Variants in RTL1 observed in about 807,000 individuals in gnomAD.
The protein encoded by RTL1 is retrotransposon-like protein 1.
For synonymous variants in RTL1, 727 were observed against 748.4 expected (o/e 0.97, Z 0.47); for missense variants, 1,681 against 1,767.5 (o/e 0.95, Z 0.88).
rs2038641823 is a variant in RTL1 at position 100,883,074 on chromosome 14, T to C, written c.1715A>G (p.Asp572Gly). Residue 572 changes from aspartate to glycine, a missense_variant, in exon 4 of 4, where the codon GAT becomes GGT. Asp to Gly is a moderately conservative substitution (Grantham distance 94, BLOSUM62 -1). Coordinates refer to ENST00000649591, the MANE Select transcript of RTL1 (RefSeq NM_001134888.3). This position sits in a 1 kb window ranked among gnomAD's most constrained non-coding sequence, Gnocchi z 5.9. ...GCTTGGCTGGTCGGAAGTCTCATCA[T>C]CTGCTTCCTTCGGGTTAAACACGTC... The part of the protein sequence containing the change: ...LADVFNPKEA[D>G]DETSDQPSSD... The C allele has an allele frequency of 6.2e-7, 1 of 1,614,092 alleles. No homozygotes were observed. Among genetic ancestry groups the C allele is most frequent in the Non-Finnish European group, 8.5e-7 (1 of 1,180,016 alleles).
In RTL1 at chr14:100,883,523, G is replaced by T; in HGVS notation, c.1266C>A (p.Ser422Arg). 1 of 1,551,500 alleles carries T rather than the reference G, an allele frequency of 6.4e-7. No homozygotes were observed. The highest frequency in any genetic ancestry group is 8.7e-7 in the Non-Finnish European group (1 of 1,146,990). The change falls in exon 4 of 4, where the codon AGC becomes AGA. Residue 422 changes from serine to arginine, a missense_variant. Transcript: ENST00000649591. This position sits in a 1 kb window ranked among gnomAD's most constrained non-coding sequence, Gnocchi z 5.9. ...LLMVRVNPYH[S>R]VAVQALVDSG... ...AATCCACCAGGGCCTGGACCGCGAC[G>T]CTGTGGTAGGGGTTCACTCTCACCA...
intron 3 of RTL1, among the ~76,000 whole-genome samples, chr14:100,885,381 C>T (rs1025145341): frequency 1.3e-5 from 2 of 152,210 alleles, no homozygotes; most frequent in Non-Finnish European, 2.9e-5. Flanking sequence ...AGCAAAGATG[C>T]CTACTGTTTC....
chr14:100,901,097 C>T (rs2038935804), intron 2 of RTL1, among the ~76,000 whole-genome samples: 1 of 152,210 alleles, frequency 6.6e-6, no homozygotes, highest in Admixed American at 6.5e-5. Context: ...GCTGTGGCGA[C>T]CCCAGGGCTG....
chr14:100,898,569 T>A (rs1277726233), intron 2 of RTL1, among the ~76,000 whole-genome samples: 1 of 152,240 alleles, frequency 6.6e-6, no homozygotes, highest in Non-Finnish European at 1.5e-5. Flanking sequence ...GGCCTTATCC[T>A]GGCATGGAAG....
intron 3 of RTL1, 112 bp from the exon 4 acceptor site, chr14:100,884,986 G>C (rs928090031): frequency 7.8e-6 from 4 of 510,650 alleles, no homozygotes; most frequent in African/African-American, 7.7e-5. Context: ...AGAGCAGAGA[G>C]AAATGGGGGA....
chr14:100,897,689 C>T (rs1022860472), intron 2 of RTL1: 5 of 234,048 alleles, frequency 2.1e-5, no homozygotes, highest in African/African-American at 9.7e-5. Context: ...GCTGTACACA[C>T]CAGAGTTTAT....
chr14:100,895,089 G>C (rs535821485), intron 2 of RTL1: 1 of 152,374 alleles, frequency 6.6e-6, no homozygotes, highest in South Asian at 2.1e-4. Context: ...TGGGAGACAG[G>C]GTCTGAGAGG....
chr14:100,892,177 C>T (rs1330799620), intron 3 of RTL1, among the ~76,000 whole-genome samples: 1 of 152,182 alleles, frequency 6.6e-6, no homozygotes, highest in Non-Finnish European at 1.5e-5. Context: ...CTCTGGTGGG[C>T]TCTCTACTCT....
At position 100,881,440 on chromosome 14, in the gene RTL1, G is replaced by A. The variant is rs1213889503; in HGVS notation, c.3349C>T (p.Arg1117Trp). Reference protein sequence around the residue: ...LRPAPAMRVARPQPQRSLRLI... With the variant: ...LRPAPAMRVAWPQPQRSLRLI... ...CGTAGGGAGCGCTGGGGCTGGGGCC[G>A]AGCCACCCGCATGGCGGGTGCCGGC... The change falls in exon 4 of 4, where the codon CGG becomes TGG. Residue 1117 changes from arginine to tryptophan, a missense_variant. By Grantham distance (101) the Arg-to-Trp change is moderately radical (BLOSUM62 -3). Coordinates refer to ENST00000649591, the MANE Select transcript of RTL1 (RefSeq NM_001134888.3). This position sits in a 1 kb window ranked among gnomAD's most constrained non-coding sequence, Gnocchi z 6.6. The A allele has an allele frequency of 1.9e-6, 3 of 1,550,752 alleles. No homozygotes were observed. The highest frequency in any genetic ancestry group is 2.4e-5 in the South Asian group (2 of 84,054).
At chr14:100,896,715 G>A (rs750413119) in intron 2 of RTL1, among the ~76,000 whole-genome samples, 8 of 152,264 alleles carry the variant, frequency 5.3e-5, no homozygotes, top group Non-Finnish European at 7.3e-5. Flanking sequence ...TGCCAGTGCC[G>A]TTTAGCCACA....
chr14:100,901,938 G>T (rs1220727148), intron 2 of RTL1, among the ~76,000 whole-genome samples: 1 of 152,190 alleles, frequency 6.6e-6, no homozygotes, highest in African/African-American at 2.4e-5. Flanking sequence ...ACTGACCCCT[G>T]CCTGGTCCCC....
In RTL1 at chr14:100,881,500, C is replaced by T. The variant is rs2038613090; in HGVS notation, c.3289G>A (p.Val1097Met). The change falls in exon 4 of 4, where the codon GTG becomes ATG. Residue 1097 changes from valine to methionine, a missense_variant. Transcript: ENST00000649591. The surrounding 1 kb of genome is among the most constrained non-coding windows in gnomAD (Gnocchi z 6.6). ...KNTLALAAIL[V>M]LLRVRQCLSL... is the part of the protein sequence containing the mutation. Reference sequence around the variant, plus strand: ...AGGCATTGCCTCACGCGCAGTAGCACGAGGATGGCTGCCAGGGCTAGGGTG... The same window carrying T: ...AGGCATTGCCTCACGCGCAGTAGCATGAGGATGGCTGCCAGGGCTAGGGTG... 5.2e-6 allele frequency: 8 copies of T among 1,551,540 alleles called. No individual in the cohort carries two copies. Among genetic ancestry groups the T allele is most frequent in the Non-Finnish European group, 7.0e-6 (8 of 1,146,990 alleles).
intron 2 of RTL1, among the ~76,000 whole-genome samples, chr14:100,894,503 C>T (rs2038828342): frequency 6.6e-6 from 1 of 152,140 alleles, no homozygotes. Context: ...GCCCTGGGTC[C>T]CCATACACAG....
Position 100,881,680 on chromosome 14 carries a change from C to A in RTL1, c.3109G>T (p.Glu1037Ter). ...ATCTGTTCATTGAGCTCATCCTGTTCTTCATTCTCTTCTTCCCCGGATTCC... is the reference window on the plus strand; with the variant it reads ...ATCTGTTCATTGAGCTCATCCTGTTATTCATTCTCTTCTTCCCCGGATTCC... ...STESGEEENE[E>*]QDELNEQILR... The change falls in exon 4 of 4, where the codon GAA becomes TAA. Residue 1037 changes from glutamate to a stop codon, truncating the protein, a stop_gained. Transcript: ENST00000649591. LOFTEE classifies it low-confidence loss of function (END_TRUNC). The surrounding 1 kb of genome is among the most constrained non-coding windows in gnomAD (Gnocchi z 6.6). 1 of 1,556,062 alleles carries A rather than the reference C, an allele frequency of 6.4e-7. No individual in the cohort carries two copies. The highest frequency in any genetic ancestry group is 2.0e-5 in the Admixed American group (1 of 51,206).
At chr14:100,899,287 A>G (rs2140059242) in intron 2 of RTL1, among the ~76,000 whole-genome samples, 1 of 152,244 alleles carries the variant, frequency 6.6e-6, no homozygotes, top group Middle Eastern at 3.4e-3. Flanking sequence ...TCGGGGTATG[A>G]TTACAGCTTG....
Position 100,882,709 on chromosome 14 carries a change from G to A in RTL1, c.2080C>T (p.Leu694Phe), listed in dbSNP as rs1174137237. 2.6e-6 allele frequency: 4 copies of A among 1,551,808 alleles called. No homozygotes were observed. The highest frequency in any genetic ancestry group is 3.5e-6 in the Non-Finnish European group (4 of 1,147,072). The part of the protein sequence containing the change: ...DVWKAAFGLE[L>F]EEMKSYQPFA... ...GGCTGGTAGCTCTTCATCTCTTCAA[G>A]CTCCAAACCAAACGCTGCTTTCCAC... is the stretch of plus-strand genomic sequence containing the variant. The change falls in exon 4 of 4, where the codon CTT becomes TTT. Residue 694 changes from leucine (L) to phenylalanine (F), a missense_variant. Leu to Phe is a conservative substitution (Grantham distance 22). Coordinates refer to ENST00000649591, the MANE Select transcript of RTL1 (RefSeq NM_001134888.3).
At position 100,880,237 on chromosome 14, in the gene RTL1, CAG is replaced by C. The variant is rs954164757; in HGVS notation, c.*473_*474del. Among the ~76,000 whole-genome samples the C allele has an allele frequency of 6.7e-6, 1 of 149,996 alleles. No individual in the cohort carries two copies. The highest frequency in any genetic ancestry group is 2.5e-5 in the African/African-American group (1 of 40,600). On this transcript the variant is annotated 3_prime_UTR_variant, in exon 4 of 4. Coordinates refer to ENST00000649591, the MANE Select transcript of RTL1 (RefSeq NM_001134888.3). ...GGGTTGGGGGGCGGGGGCGGGAGCT[CAG>C]GGGAGCAGGAGCACCGGCAGTGGAG...
At chr14:100,898,143 C>T (rs2038894313) in intron 2 of RTL1, 2 of 237,782 alleles carry the variant, frequency 8.4e-6, no homozygotes, top group South Asian at 9.9e-5. Flanking sequence ...TGGTCACAGT[C>T]CTAGCCGTCA....
chr14:100,887,560 C>A (rs1034591838), intron 3 of RTL1, among the ~76,000 whole-genome samples: 1 of 152,158 alleles, frequency 6.6e-6, no homozygotes, highest in African/African-American at 2.4e-5. Flanking sequence ...TCTAGGTCAG[C>A]CTGGCCAACA....
Sources: allele counts gnomAD v4.1 joint callset (sites outside exome capture counted in the v4.1 genomes callset), GRCh38; gene constraint gnomAD v4.1.1; non-coding constraint Gnocchi (gnomAD v3.1); transcripts MANE v1.5; gene names NCBI Gene and HGNC (gene_info 2026-07-23, HGNC 2026-07-21).